The following USP32 variants were observed in gnomAD, a reference collection of about 807,000 sequenced individuals.
USP32 encodes ubiquitin carboxyl-terminal hydrolase 32.
A neutral mutation model predicts 204.8 loss-of-function variants in USP32; 59 were observed. The ratio of observed to expected loss-of-function variants is 0.29; its 90% confidence interval spans 0.23 to 0.36. The LOEUF is 0.36. Ranked by LOEUF, USP32 falls within the 10% of genes least tolerant of loss-of-function variation. The pLI is 1.00. For synonymous variants in USP32, 517 were observed against 678.4 expected (o/e 0.76, Z 3.70); for missense variants, 1,160 against 1,946.4 (o/e 0.60, Z 7.60).
chr17:60,397,362 AGTT>A (rs752519600), intron 1 of USP32, among the ~76,000 whole-genome samples: 18 of 151,888 alleles, frequency 1.2e-4, no homozygotes, highest in African/African-American at 1.7e-4. Flanking sequence ...GGCTTTTTCC[AGTT>A]GTTGTTGTTG....
intron 1 of USP32, among the ~76,000 whole-genome samples, chr17:60,406,728 C>T (rs747800694): frequency 6.6e-6 from 1 of 152,056 alleles, no homozygotes; most frequent in Non-Finnish European, 1.5e-5. Flanking sequence ...GTTGATCAAG[C>T]TGGTCTTAAA....
At chr17:60,204,239 C>T (rs1356118236) in intron 26 of USP32, among the ~76,000 whole-genome samples, 8 of 152,132 alleles carry the variant, frequency 5.3e-5, no homozygotes, top group East Asian at 1.9e-4. Flanking sequence ...CGAAGCCATC[C>T]GCATTTACGT....
intron 1 of USP32, among the ~76,000 whole-genome samples, chr17:60,401,635 C>T (rs1226803703): frequency 6.6e-6 from 1 of 150,818 alleles, no homozygotes; most frequent in Non-Finnish European, 1.5e-5. Context: ...TATCCCAGCA[C>T]TTTGGGAGGC....
In USP32 at chr17:60,183,389, T is replaced by C. The variant is rs763266212; in HGVS notation, c.3899A>G (p.Lys1300Arg). 1.9e-6 allele frequency: 3 copies of C among 1,613,432 alleles called. No homozygotes were observed. Among genetic ancestry groups the C allele is most frequent in the Non-Finnish European group, 1.7e-6 (2 of 1,179,680 alleles). ...GRWIKSQKIV[K>R]FPRESFDPSA... ...TGGATCAAAACTTTCCCGAGGAAATTTGACAATTTTCTGTGATTTTATCCA... is the reference window on the plus strand; with the variant it reads ...TGGATCAAAACTTTCCCGAGGAAATCTGACAATTTTCTGTGATTTTATCCA... The change falls in exon 31 of 34, where the codon AAA becomes AGA. Residue 1300 changes from lysine to arginine, a missense_variant. Lys to Arg is a conservative substitution (Grantham distance 26). Coordinates refer to ENST00000300896, the MANE Select transcript of USP32 (RefSeq NM_032582.4).
Position 60,255,229 on chromosome 17 carries a change from C to T in USP32, c.1020G>A (p.Gln340=). 1 of 1,612,312 alleles carries T rather than the reference C, an allele frequency of 6.2e-7. No homozygotes were observed. Among genetic ancestry groups the T allele is most frequent in the Non-Finnish European group, 8.5e-7 (1 of 1,179,506 alleles). The change falls in exon 10 of 34, where the codon CAG becomes CAA. Residue 340 remains glutamine, a synonymous_variant. Coordinates refer to ENST00000300896, the MANE Select transcript of USP32 (RefSeq NM_032582.4). ...CAAGAACATTTTTCACACTCCAGATCTGATAGTCTTCCAGAGTAAGATGAC... is the reference window on the plus strand; with the variant it reads ...CAAGAACATTTTTCACACTCCAGATTTGATAGTCTTCCAGAGTAAGATGAC... ...KMGHLTLEDY[Q]IWSVKNVLAN... is the part of the protein sequence containing the mutation.
At chr17:60,346,040 T>C (rs2088779220) in intron 1 of USP32, among the ~76,000 whole-genome samples, 1 of 152,108 alleles carries the variant, frequency 6.6e-6, no homozygotes, top group Non-Finnish European at 1.5e-5. Flanking sequence ...TACACTTCTT[T>C]TTTGGTTAAA....
intron 26 of USP32, among the ~76,000 whole-genome samples, chr17:60,199,428 G>T (rs2084616597): frequency 6.6e-6 from 1 of 152,146 alleles, no homozygotes; most frequent in African/African-American, 2.4e-5. Context: ...ATACTGCACA[G>T]AATTATCCTG....
intron 2 of USP32, among the ~76,000 whole-genome samples, chr17:60,314,884 T>G (rs1480311329): frequency 1.3e-5 from 2 of 151,932 alleles, no homozygotes; most frequent in Non-Finnish European, 2.9e-5. Flanking sequence ...TGACTTGTAA[T>G]CAGAAACAAT....
intron 1 of USP32, 51 bp downstream of exon 1, chr17:60,391,831 C>A (rs768342871): frequency 1.9e-6 from 3 of 1,583,976 alleles, no homozygotes; most frequent in Admixed American, 1.8e-5. Context: ...ACCCTCCAGG[C>A]TGCCCGTCGC....
At chr17:60,327,929 A>G (rs563089369) in intron 2 of USP32, among the ~76,000 whole-genome samples, 1 of 152,354 alleles carries the variant, frequency 6.6e-6, no homozygotes, top group Non-Finnish European at 1.5e-5. Flanking sequence ...TTTGGGCACC[A>G]AAAAGCAAGA....
chr17:60,332,900 T>A (rs2088424883), intron 2 of USP32, among the ~76,000 whole-genome samples: 1 of 152,188 alleles, frequency 6.6e-6, no homozygotes, highest in Non-Finnish European at 1.5e-5. Context: ...CTGAATCATC[T>A]AATAAAATTT....
intron 1 of USP32, among the ~76,000 whole-genome samples, chr17:60,379,679 C>A (rs111845103): frequency 1.3e-5 from 2 of 152,198 alleles, no homozygotes; most frequent in Non-Finnish European, 2.9e-5. Flanking sequence ...AAACTTCAGT[C>A]ACATTGCTAT....
chr17:60,268,437 G>A (rs1458613881), intron 7 of USP32, among the ~76,000 whole-genome samples: 1 of 151,070 alleles, frequency 6.6e-6, no homozygotes, highest in African/African-American at 2.4e-5. Flanking sequence ...GCCAGGCATG[G>A]TGGTACATGC....
At chr17:60,255,688 G>A (rs1301479595) in intron 9 of USP32, among the ~76,000 whole-genome samples, 1 of 152,126 alleles carries the variant, frequency 6.6e-6, no homozygotes, top group Non-Finnish European at 1.5e-5. Flanking sequence ...GTTCCTGTAT[G>A]TTTTCCTAAA....
rs369352327 is a variant in USP32 at position 60,211,111 on chromosome 17, G to T, written c.2326C>A (p.Pro776Thr). 1 of 1,609,208 alleles carries T rather than the reference G, an allele frequency of 6.2e-7. No homozygotes were observed. Among genetic ancestry groups the T allele is most frequent in the Middle Eastern group, 1.7e-4 (1 of 6,040 alleles). Residue 776 changes from proline (P) to threonine (T), a missense_variant, in exon 21 of 34, where the codon CCC (proline) becomes ACC (threonine). Pro to Thr is a conservative substitution (Grantham distance 38, BLOSUM62 -1). Coordinates refer to ENST00000300896, the MANE Select transcript of USP32 (RefSeq NM_032582.4). The part of the protein sequence containing the change: ...RHLYELNRTN[P>T]IGMKGHMAKC... ...GCCATATGCCCCTTCATACCAATGG[G>T]ATTTGTCCTAGAAGTTTGAGAGGAA...
rs559200273 is a variant in USP32, at chr17:60,271,060, T to G, written c.703+290A>C. Among the ~76,000 whole-genome samples the G allele has an allele frequency of 4.6e-5, 7 of 152,284 alleles. No individual in the cohort carries two copies. The South Asian group carries it at 1.5e-3, about 32-fold the overall frequency. On this transcript the variant is annotated intron_variant, in intron 6 of 33. Transcript: ENST00000300896. ...CCACATGACTCCAGGCACTAGCTAC[T>G]AATGCACCTTACTGGAACACAGTAT...
chr17:60,392,102 G>GGTCGCC lies in USP32; in HGVS notation c.-169_-164dup. ...GGCTTCTGCCCCGGCGGCTCCTCCC[G>GGTCGCC]GTCGCCGCCACCGCCTCCATGCCGG... On this transcript the variant is annotated 5_prime_UTR_variant, in exon 1 of 34. Coordinates refer to ENST00000300896, the MANE Select transcript of USP32 (RefSeq NM_032582.4). 4.6e-6 allele frequency: 3 copies of GGTCGCC among 649,204 alleles called. No individual in the cohort carries two copies. Among genetic ancestry groups the GGTCGCC allele is most frequent in the South Asian group, 2.0e-5 (1 of 48,836 alleles). The allele number at this position is 649,204 out of a possible 1,614,324, so 40.2% of individuals were successfully genotyped here.
intron 2 of USP32, among the ~76,000 whole-genome samples, chr17:60,320,384 C>T (rs889336237): frequency 6.6e-6 from 1 of 152,116 alleles, no homozygotes; most frequent in Admixed American, 6.6e-5. Context: ...ACTATATCTA[C>T]CCAATTATTA....
chr17:60,308,189 A>G lies in USP32; in HGVS notation c.187-6485T>C, dbSNP rs549669065. Among the ~76,000 whole-genome samples the G allele has an allele frequency of 1.2e-4, 19 of 152,364 alleles. No homozygotes were observed. The East Asian group carries it at 3.7e-3, about 29-fold the overall frequency. ...ACATCAAGGCAAGAATCCGGGATACAGAAAACCCTTGCGATAATGCAGAGG... is the reference window on the plus strand; with the variant it reads ...ACATCAAGGCAAGAATCCGGGATACGGAAAACCCTTGCGATAATGCAGAGG... On this transcript the variant is annotated intron_variant, in intron 2 of 33. Coordinates refer to ENST00000300896, the MANE Select transcript of USP32 (RefSeq NM_032582.4).
Sources: allele counts gnomAD v4.1 joint callset (sites outside exome capture counted in the v4.1 genomes callset), GRCh38; gene constraint gnomAD v4.1.1; transcripts MANE v1.5; gene names NCBI Gene and HGNC (gene_info 2026-07-23, HGNC 2026-07-21).